TAF3: variants seen among roughly 807,000 people sequenced by gnomAD.
TAF3 encodes the protein transcription initiation factor TFIID subunit 3.
A neutral mutation model predicts 80.6 loss-of-function variants in TAF3; 7 were observed. That is an observed-to-expected ratio of 0.09 (90% CI 0.05 to 0.16). The LOEUF is 0.16. Among genes scored for constraint, TAF3 ranks in the 10% least tolerant of loss-of-function variants. The probability of loss-of-function intolerance (pLI) is 1.00; values close to 1 mark genes in which losing one functional copy is unlikely to be tolerated. For synonymous variants in TAF3, 444 were observed against 446.1 expected, an observed-to-expected ratio of 1.00 and a Z score of 0.06; for missense variants, 921 against 1,140.2, an observed-to-expected ratio of 0.81 and a Z score of 2.77.
chr10:7,946,836 C>CA (rs1436735186), intron 2 of TAF3, among the ~76,000 whole-genome samples: 1 of 152,172 alleles, frequency 6.6e-6, no homozygotes, highest in African/African-American at 2.4e-5. Flanking sequence ...ATGATTATAA[C>CA]AACTTTTTTT....
At chr10:7,974,830 C>T (rs746489746) in intron 3 of TAF3, among the ~76,000 whole-genome samples, 5 of 152,112 alleles carry the variant, frequency 3.3e-5, no homozygotes, top group Non-Finnish European at 5.9e-5. Context: ...AATCCCAGCA[C>T]TTTGGGAGGT....
chr10:7,850,085 C>T (rs918393376), intron 2 of TAF3, among the ~76,000 whole-genome samples: 1 of 152,160 alleles, frequency 6.6e-6, no homozygotes, highest in African/African-American at 2.4e-5. Flanking sequence ...TATAGATCCT[C>T]GTATTTCCTG....
chr10:7,886,775 C>T (rs554809174), intron 2 of TAF3, among the ~76,000 whole-genome samples: 7 of 152,256 alleles, frequency 4.6e-5, no homozygotes, highest in African/African-American at 9.6e-5. Flanking sequence ...GATGCACTTT[C>T]GTATTTCTGT....
chr10:7,994,834 G>C (rs1482719874), intron 4 of TAF3, among the ~76,000 whole-genome samples: 2 of 146,802 alleles, frequency 1.4e-5, no homozygotes, highest in Admixed American at 6.7e-5. Context: ...AAATAGCTGG[G>C]TGTGGTGGCG....
chr10:7,860,551 G>A (rs1488131837), intron 2 of TAF3, among the ~76,000 whole-genome samples: 2 of 152,024 alleles, frequency 1.3e-5, no homozygotes, highest in Non-Finnish European at 2.9e-5. Context: ...CTACTTGGTT[G>A]TCCAGAGGTG....
intron 2 of TAF3, among the ~76,000 whole-genome samples, chr10:7,891,280 C>T (rs1457908871): frequency 6.6e-6 from 1 of 152,024 alleles, no homozygotes; most frequent in Non-Finnish European, 1.5e-5. Flanking sequence ...GATTTATTTG[C>T]TTTTACCTTG....
chr10:7,887,556 A>G (rs374982582), intron 2 of TAF3, among the ~76,000 whole-genome samples: 1 of 152,158 alleles, frequency 6.6e-6, no homozygotes, highest in South Asian at 2.1e-4. Context: ...AGAGCAGAGT[A>G]GATGAAAATG....
At chr10:7,913,127 C>T (rs1343812924) in intron 2 of TAF3, among the ~76,000 whole-genome samples, 2 of 152,172 alleles carry the variant, frequency 1.3e-5, no homozygotes, top group Non-Finnish European at 1.5e-5. Context: ...TCCTCTTCCT[C>T]TATGGACACC....
chr10:7,896,276 A>G (rs1413882007), intron 2 of TAF3, among the ~76,000 whole-genome samples: 1 of 152,128 alleles, frequency 6.6e-6, no homozygotes, highest in Non-Finnish European at 1.5e-5. Flanking sequence ...GACTCCGTGA[A>G]TGGGGGGAAA....
intron 3 of TAF3, among the ~76,000 whole-genome samples, chr10:7,966,599 G>A (rs77376563): frequency 0.05 from 7,575 of 152,172 alleles, 285 homozygotes; most frequent in Admixed American, 0.11. Flanking sequence ...TCTCTTCATA[G>A]TGCCACCCCA....
rs770534289 is a variant in TAF3, at chr10:8,009,352, G to T, written c.2568+22G>T. On this transcript the variant is annotated intron_variant, in intron 5 of 6. Coordinates refer to ENST00000344293, the MANE Select transcript of TAF3 (RefSeq NM_031923.4). The surrounding 1 kb of genome is among the most constrained non-coding windows in gnomAD (Gnocchi z 4.1). ...CGTGGTGCGTACCTGCCGCCCGCGC[G>T]GTTAGCATGGAGACGTTTTCAGATC... 9.5e-6 allele frequency: 15 copies of T among 1,582,646 alleles called. No individual in the cohort carries two copies. In the East Asian group the frequency reaches 3.1e-4, roughly 33 times the overall value.
chr10:7,845,125 G>A (rs535623501), intron 2 of TAF3, among the ~76,000 whole-genome samples: 1 of 152,060 alleles, frequency 6.6e-6, no homozygotes, highest in Admixed American at 6.6e-5. Context: ...CAGTGTCCCA[G>A]CAGTCTCCCT....
chr10:7,973,384 T>G (rs11255467), intron 3 of TAF3, among the ~76,000 whole-genome samples: 4,948 of 152,278 alleles, frequency 0.032, 102 homozygotes, highest in Non-Finnish European at 0.046. Flanking sequence ...GAAATATCAC[T>G]TCTAATACCT....
rs117529430 is a variant in TAF3 at position 8,011,042 on chromosome 10, T to C, written c.2568+1712T>C. Among the ~76,000 whole-genome samples, 1,188 of 152,296 alleles carry C rather than the reference T, an allele frequency of 7.8e-3. 8 individuals carry two copies. The highest frequency in any genetic ancestry group is 0.014 in the Middle Eastern group (4 of 294). On this transcript the variant is annotated intron_variant, in intron 5 of 6. Transcript: ENST00000344293. ...TACAGATTACGTTCTTTGGATACTA[T>C]AGAATTAAACACACAAACACACAAC...
chr10:7,975,292 G>A (rs1420430171), intron 3 of TAF3, among the ~76,000 whole-genome samples: 1 of 152,126 alleles, frequency 6.6e-6, no homozygotes, highest in Admixed American at 6.5e-5. Context: ...TAGATGTGTA[G>A]AAGGGGAAAG....
At chr10:8,012,601 G>A (rs1245771957) in intron 5 of TAF3, among the ~76,000 whole-genome samples, 1 of 152,174 alleles carries the variant, frequency 6.6e-6, no homozygotes. Flanking sequence ...CTAGACAGCA[G>A]GTACGGGTGA....
chr10:8,011,262 T>C (rs557379920), intron 5 of TAF3, among the ~76,000 whole-genome samples: 2 of 152,278 alleles, frequency 1.3e-5, no homozygotes, highest in South Asian at 2.1e-4. Flanking sequence ...TTATGTTTTC[T>C]TTTTTTCTTT....
rs972757355 is a variant in TAF3 at position 7,870,780 on chromosome 10, C to T, written c.409+46220C>T. 2.0e-5 allele frequency among the ~76,000 whole-genome samples: 3 copies of T among 152,120 alleles called. No individual in the cohort carries two copies. In the East Asian group the frequency reaches 5.8e-4, roughly 29 times the overall value. On this transcript the variant is annotated intron_variant, in intron 2 of 6. Transcript: ENST00000344293. The stretch of plus-strand genomic sequence containing the variant: ...CTTAACATTTTTCCCTGACAGTCTC[C>T]TGCTGGGGCCATTTTGTTCTTGATC...
intron 2 of TAF3, among the ~76,000 whole-genome samples, chr10:7,928,238 AG>A (rs1837834493): frequency 6.6e-6 from 1 of 152,300 alleles, no homozygotes; most frequent in Non-Finnish European, 1.5e-5. Context: ...TTCGGTGGTC[AG>A]GCATTTTTGC....
Sources: gnomAD v4.1 joint callset for allele counts (sites outside exome capture counted in the v4.1 genomes callset) on GRCh38, gnomAD v4.1.1 for gene constraint, Gnocchi (gnomAD v3.1) non-coding constraint, MANE v1.5 for transcripts, NCBI Gene and HGNC (gene_info 2026-07-23, HGNC 2026-07-21) for gene names.